SLC35D2: variants seen among roughly 807,000 people sequenced by gnomAD.
SLC35D2 encodes the protein solute carrier family 35 member D2, also known as nucleotide sugar transporter SLC35D2.
In SLC35D2, 43 loss-of-function variants were observed where a neutral mutation model predicts 41.8. The observed-to-expected ratio is 1.03, with a 90% CI of 0.81 to 1.33. The LOEUF (loss-of-function observed/expected upper bound fraction) is 1.33, where lower values mean the gene tolerates loss of function less well. Ranked by LOEUF, SLC35D2 falls within the 40% of genes most tolerant of loss-of-function variation. The pLI is 0.00. For missense variants in SLC35D2, 380 were observed against 408.4 expected (o/e 0.93, Z 0.60); for synonymous variants, 150 against 163.9 (o/e 0.92, Z 0.65).
chr9:96,373,357 C>T (rs1830790527), intron 1 of SLC35D2, among the ~76,000 whole-genome samples: 1 of 152,144 alleles, frequency 6.6e-6, no homozygotes, highest in Non-Finnish European at 1.5e-5. Flanking sequence ...CTTTTGTAAT[C>T]ACCCCCTCCC....
chr9:96,381,670 G>C (rs1831204909), intron 1 of SLC35D2, among the ~76,000 whole-genome samples: 1 of 152,200 alleles, frequency 6.6e-6, no homozygotes, highest in Non-Finnish European at 1.5e-5. Flanking sequence ...CAAGGATGCA[G>C]CTCCGTGAAG....
intron 5 of SLC35D2, 36 bp from the exon 6 acceptor site, chr9:96,351,207 C>T: frequency 7.2e-7 from 1 of 1,394,532 alleles, no homozygotes; most frequent in Non-Finnish European, 1.0e-6. Flanking sequence ...GGAAAGGGAG[C>T]AGAGAGGAAA....
At chr9:96,348,336 CTGCT>C (rs1371025097) in intron 6 of SLC35D2, among the ~76,000 whole-genome samples, 1 of 152,188 alleles carries the variant, frequency 6.6e-6, no homozygotes, top group Non-Finnish European at 1.5e-5. Flanking sequence ...TTCCCTTTTC[CTGCT>C]TGTTTGGCAA....
chr9:96,372,894 CTTTTGTTT>C (rs968443073), intron 1 of SLC35D2, among the ~76,000 whole-genome samples: 5 of 147,452 alleles, frequency 3.4e-5, no homozygotes, highest in African/African-American at 1.0e-4. Context: ...GTTTTTTGTT[CTTTTGTTT>C]TTTTGTTTTT....
chr9:96,363,251 T>TTG (rs1211732749), intron 3 of SLC35D2, among the ~76,000 whole-genome samples: 1 of 151,698 alleles, frequency 6.6e-6, no homozygotes, highest in African/African-American at 2.4e-5. Flanking sequence ...TCCTCCTGCC[T>TTG]TGATCTCCCC....
chr9:96,362,521 A>G (rs1830317618), intron 3 of SLC35D2, among the ~76,000 whole-genome samples: 1 of 152,166 alleles, frequency 6.6e-6, no homozygotes, highest in African/African-American at 2.4e-5. Flanking sequence ...AAAGAAAAAA[A>G]AAAAGAATTT....
chr9:96,313,951 C>T (rs1191064326), exon 12 of SLC35D2: 1 of 152,404 alleles, frequency 6.6e-6, no homozygotes, highest in Admixed American at 6.5e-5. Flanking sequence ...GCCCTAGCCC[C>T]TCAGCTGCAC....
At chr9:96,320,441 G>A (rs775585680), downstream of SLC35D2, among the ~76,000 whole-genome samples, 54 of 151,848 alleles carry the variant, frequency 3.6e-4, 1 homozygote, top group Non-Finnish European at 7.2e-4. Flanking sequence ...ACTTGAACCC[G>A]GGTGGCAGAG....
rs144067894 is a variant in SLC35D2 at position 96,374,937 on chromosome 9, G to A, written c.159-6632C>T. Among the ~76,000 whole-genome samples, 8 of 149,200 alleles carry A rather than the reference G, an allele frequency of 5.4e-5. No homozygotes were observed. The East Asian group carries it at 1.6e-3, about 29-fold the overall frequency. The stretch of plus-strand genomic sequence containing the variant: ...AAGATGTCTGAAATTGTTGCCTCAT[G>A]TTCATTATAGTAAATTTTTTTTAAA... On this transcript the variant is annotated intron_variant, in intron 1 of 11. Transcript: ENST00000253270.
chr9:96,350,581 C>A (rs1040122197), intron 6 of SLC35D2, among the ~76,000 whole-genome samples: 2 of 151,886 alleles, frequency 1.3e-5, no homozygotes, highest in African/African-American at 4.8e-5. Flanking sequence ...TGCCTGCCCA[C>A]GAAGACTTGG....
intron 1 of SLC35D2, 78 bp downstream of exon 1, chr9:96,383,399 C>T: frequency 1.6e-6 from 2 of 1,239,372 alleles, no homozygotes; most frequent in Non-Finnish European, 1.1e-6. Context: ...CGCCCTGTCC[C>T]GGGCGCCGCT....
intron 1 of SLC35D2, among the ~76,000 whole-genome samples, chr9:96,376,830 G>A (rs567679363): frequency 7.3e-5 from 11 of 151,344 alleles, no homozygotes; most frequent in Admixed American, 4.6e-4. Flanking sequence ...GGATGGTCTC[G>A]AACTCCTGAC....
At chr9:96,372,197 A>G (rs1307447601) in intron 1 of SLC35D2, among the ~76,000 whole-genome samples, 3 of 152,230 alleles carry the variant, frequency 2.0e-5, no homozygotes, top group Non-Finnish European at 4.4e-5. Flanking sequence ...AATGAAATAA[A>G]GTCTTTAGAT....
chr9:96,368,453 CTTTTT>C (rs1433779009), intron 1 of SLC35D2, 148 bp from the exon 2 acceptor site: 5 of 674,582 alleles, frequency 7.4e-6, no homozygotes, highest in East Asian at 3.1e-5. Flanking sequence ...TTTTTTTTTT[CTTTTT>C]AAGACAGTGT....
chr9:96,364,414 G>T, intron 3 of SLC35D2, 50 bp downstream of exon 3: 1 of 1,100,434 alleles, frequency 9.1e-7, no homozygotes. Flanking sequence ...TAAAATCAAT[G>T]TGTATTTTCA....
intron 9 of SLC35D2, among the ~76,000 whole-genome samples, chr9:96,324,705 G>A (rs935965148): frequency 1.3e-5 from 2 of 151,846 alleles, no homozygotes; most frequent in Non-Finnish European, 2.9e-5. Flanking sequence ...GGCTCATGCC[G>A]CCATACCCAG....
chr9:96,324,549 C>CTTTTTTT (rs57775451), intron 9 of SLC35D2, among the ~76,000 whole-genome samples: 7 of 117,746 alleles, frequency 5.9e-5, no homozygotes, highest in South Asian at 3.2e-4. Flanking sequence ...GCCTGCTGCA[C>CTTTTTTT]TTTTTTTTTT....
At position 96,344,536 on chromosome 9, in the gene SLC35D2, G is replaced by C. The variant is rs1378362155; in HGVS notation, c.592-540C>G. ...AAAAAAAAAAAAAAAAAAAGGCCATGCAGGGGAAAAAAAAAAAAAACAGAG... is the reference window on the plus strand; with the variant it reads ...AAAAAAAAAAAAAAAAAAAGGCCATCCAGGGGAAAAAAAAAAAAAACAGAG... On this transcript the variant is annotated intron_variant, in intron 7 of 11. Transcript: ENST00000253270. 6.7e-5 allele frequency among the ~76,000 whole-genome samples: 5 copies of C among 74,342 alleles called. No individual in the cohort carries two copies. In the East Asian group the frequency reaches 1.6e-3, roughly 24 times the overall value. The allele number at this position is 74,342 out of a possible 152,430, so 48.8% of individuals were successfully genotyped here.
At chr9:96,374,549 A>G (rs1211479250) in intron 1 of SLC35D2, among the ~76,000 whole-genome samples, 3 of 146,064 alleles carry the variant, frequency 2.1e-5, no homozygotes, top group Non-Finnish European at 4.5e-5. Context: ...AAAAAAAAAA[A>G]GTAGGCCAGG....
Sources: gnomAD v4.1 joint callset for allele counts (sites outside exome capture counted in the v4.1 genomes callset) on GRCh38, gnomAD v4.1.1 for gene constraint, MANE v1.5 for transcripts, NCBI Gene and HGNC (gene_info 2026-07-23, HGNC 2026-07-21) for gene names.